SDK1: variants seen among roughly 807,000 people sequenced by gnomAD.
SDK1 encodes the protein protein sidekick-1.
SDK1 carries 157 observed loss-of-function variants against 245.5 expected under a neutral mutation model. That is an observed-to-expected ratio of 0.64 (90% CI 0.56 to 0.73). The LOEUF (loss-of-function observed/expected upper bound fraction) is 0.73. Among genes scored for constraint, SDK1 ranks in the 30% least tolerant of loss-of-function variants. SDK1 has a pLI of 0.00. For synonymous variants in SDK1, 1,647 were observed against 1,278.5 expected (o/e 1.29, Z -6.15); for missense variants, 3,583 against 3,002.3 (o/e 1.19, Z -4.52).
intron 4 of SDK1, among the ~76,000 whole-genome samples, chr7:3,789,867 C>T (rs913716486): frequency 5.3e-5 from 8 of 151,392 alleles, no homozygotes; most frequent in Non-Finnish European, 1.0e-4. Flanking sequence ...GCCTGCAGAT[C>T]AGTTTACCCG....
chr7:4,181,229 C>T (rs1355872885), intron 35 of SDK1, among the ~76,000 whole-genome samples: 5 of 152,214 alleles, frequency 3.3e-5, no homozygotes, highest in Admixed American at 6.5e-5. Flanking sequence ...TTGCCCTCGG[C>T]GTGAGGTTTT....
intron 1 of SDK1, among the ~76,000 whole-genome samples, chr7:3,436,698 G>A (rs10235617): frequency 0.2 from 31,121 of 152,080 alleles, 4,011 homozygotes; most frequent in Middle Eastern, 0.33. Flanking sequence ...GAAGGTGACT[G>A]AACCTTAAAA....
chr7:3,343,613 A>C (rs540651744), intron 1 of SDK1, among the ~76,000 whole-genome samples: 5 of 152,286 alleles, frequency 3.3e-5, no homozygotes, highest in African/African-American at 1.2e-4. Flanking sequence ...GTGGTATTGC[A>C]CTAGCTGTTC....
At chr7:3,441,014 G>C (rs1253134122) in intron 1 of SDK1, among the ~76,000 whole-genome samples, 3 of 152,144 alleles carry the variant, frequency 2.0e-5, no homozygotes, top group Non-Finnish European at 4.4e-5. Context: ...ATAATCAGTA[G>C]TAGCCTAATG....
At chr7:4,031,247 C>T (rs554278448) in intron 17 of SDK1, among the ~76,000 whole-genome samples, 2 of 152,136 alleles carry the variant, frequency 1.3e-5, no homozygotes, top group African/African-American at 2.4e-5. Context: ...CAGATAAAAT[C>T]GGCTTCTGTG....
At chr7:4,242,209 C>G in intron 43 of SDK1, among the ~76,000 whole-genome samples, 1 of 152,140 alleles carries the variant, frequency 6.6e-6, no homozygotes, top group East Asian at 1.9e-4. Flanking sequence ...CCTTCTGTGT[C>G]AATCGCATGC....
chr7:3,508,913 G>T (rs1326490858), intron 1 of SDK1, among the ~76,000 whole-genome samples: 1 of 152,206 alleles, frequency 6.6e-6, no homozygotes, highest in Non-Finnish European at 1.5e-5. Flanking sequence ...TTTATTCAGT[G>T]CAGGATTTAG....
intron 1 of SDK1, among the ~76,000 whole-genome samples, chr7:3,446,403 G>A (rs941026582): frequency 5.3e-5 from 8 of 152,046 alleles, no homozygotes; most frequent in South Asian, 2.1e-4. Flanking sequence ...ATACAATTGC[G>A]GAAAGTTGGA....
intron 1 of SDK1, among the ~76,000 whole-genome samples, chr7:3,371,933 A>G (rs1453068332): frequency 5.3e-5 from 8 of 152,212 alleles, no homozygotes; most frequent in Non-Finnish European, 1.2e-4. Flanking sequence ...AAACAATCCC[A>G]GGAGATAGAG....
chr7:3,727,137 A>T (rs1779035558), intron 4 of SDK1, among the ~76,000 whole-genome samples: 1 of 152,210 alleles, frequency 6.6e-6, no homozygotes, highest in Non-Finnish European at 1.5e-5. Context: ...TTTTGAAGGG[A>T]CTGATTTTCA....
intron 20 of SDK1, among the ~76,000 whole-genome samples, chr7:4,069,595 G>A (rs2342500): frequency 0.077 from 11,751 of 152,254 alleles, 1,027 homozygotes; most frequent in African/African-American, 0.21. Flanking sequence ...ATTGTTCTGT[G>A]AAGCAAGCTT....
rs3086109 is a variant in SDK1 at position 3,676,322 on chromosome 7, CTTTTTTTT to C, written c.713+34231_713+34238del. On this transcript the variant is annotated intron_variant, in intron 4 of 44. Transcript: ENST00000404826. ...GTACCACACCTGGCCTCTTCTAGTA[CTTTTTTTT>C]TTTTTTTTTTTTTGAGACGGAGTCT... Among the ~76,000 whole-genome samples, 359 of 133,320 alleles carry C rather than the reference CTTTTTTTT, an allele frequency of 2.7e-3. 3 individuals are homozygous for C. The highest frequency in any genetic ancestry group is 8.5e-3 in the African/African-American group (307 of 35,944). 87.5% of individuals were successfully genotyped at this position (133,320 alleles called of 152,430 possible).
At chr7:3,687,100 C>CACACACACACACACACACACACA (rs57916967) in intron 4 of SDK1, among the ~76,000 whole-genome samples, 23 of 146,804 alleles carry the variant, frequency 1.6e-4, no homozygotes, top group African/African-American at 5.4e-4. Flanking sequence ...CACACACACA[C>CACACACACACACACACACACACA]CACCCTGTAT....
intron 4 of SDK1, among the ~76,000 whole-genome samples, chr7:3,791,026 C>T (rs1213219127): frequency 2.0e-5 from 3 of 152,136 alleles, no homozygotes; most frequent in Non-Finnish European, 4.4e-5. Context: ...CTCTGTGCTT[C>T]AGTATCCTCA....
intron 4 of SDK1, among the ~76,000 whole-genome samples, chr7:3,679,460 G>A (rs1009110303): frequency 2.6e-5 from 4 of 152,162 alleles, no homozygotes; most frequent in Admixed American, 1.3e-4. Flanking sequence ...CCAGGTACTC[G>A]GGAGGCTGAG....
chr7:3,974,633 C>T lies in SDK1; in HGVS notation c.1994+88C>T, dbSNP rs544142874. ...AGTGACTGCCACTTCACAAGTGTCA[C>T]GCCCGGCTTGTGTCCCAAGTCAGCG... On this transcript the variant is annotated intron_variant, in intron 13 of 44. Transcript: ENST00000404826. The T allele has an allele frequency of 7.6e-4, 998 of 1,305,778 alleles. 9 individuals carry two copies. In the South Asian group the frequency reaches 0.012, roughly 15 times the overall value. 80.9% of individuals were successfully genotyped at this position (1,305,778 alleles called of 1,614,324 possible). A position where few individuals can be genotyped will look rare whatever the true frequency, so the allele number is the denominator to read the frequency against.
chr7:3,817,171 G>T (rs2115054822), intron 4 of SDK1, among the ~76,000 whole-genome samples: 1 of 152,230 alleles, frequency 6.6e-6, no homozygotes, highest in East Asian at 1.9e-4. Flanking sequence ...CCAACGGATG[G>T]GTTACAGTGC....
At chr7:4,103,348 C>T (rs1329944708) in intron 22 of SDK1, among the ~76,000 whole-genome samples, 1 of 152,206 alleles carries the variant, frequency 6.6e-6, no homozygotes, top group African/African-American at 2.4e-5. Context: ...CTGCCTCCCT[C>T]TACATCAGCA....
At chr7:4,117,936 T>A (rs1165422567) in intron 25 of SDK1, among the ~76,000 whole-genome samples, 2 of 152,110 alleles carry the variant, frequency 1.3e-5, no homozygotes, top group African/African-American at 4.8e-5. Flanking sequence ...GAGTAGAGAA[T>A]GAAAAGTCAG....
Sources: allele counts gnomAD v4.1 joint callset (sites outside exome capture counted in the v4.1 genomes callset), GRCh38; gene constraint gnomAD v4.1.1; transcripts MANE v1.5; gene names NCBI Gene and HGNC (gene_info 2026-07-23, HGNC 2026-07-21).